TRIM23: variants seen among roughly 807,000 people sequenced by gnomAD.
The protein encoded by TRIM23 is tripartite motif containing 23.
In TRIM23, 27 loss-of-function variants were observed where a neutral mutation model predicts 71.0. The ratio of observed to expected loss-of-function variants is 0.38; its 90% confidence interval spans 0.28 to 0.52. TRIM23 has a LOEUF of 0.52. TRIM23 is among the 20% of genes least tolerant of loss of function. The pLI is 0.84. For synonymous variants in TRIM23, 234 were observed against 238.0 expected (o/e 0.98, Z 0.16); for missense variants, 482 against 692.3 (o/e 0.70, Z 3.41).
chr5:65,592,325 A>G (rs1242924582), intron 10 of TRIM23, among the ~76,000 whole-genome samples: 7 of 152,086 alleles, frequency 4.6e-5, no homozygotes. Context: ...TCCTGGTTCA[A>G]GCGATTCTCC....
chr5:65,590,365 G>T lies in TRIM23; in HGVS notation c.*1404C>A. ...TACATATTGCCCATAATACTGATAGGCTTTTTTTTTAATGCTTTGTTTTCT... is the reference window on the plus strand; with the variant it reads ...TACATATTGCCCATAATACTGATAGTCTTTTTTTTTAATGCTTTGTTTTCT... On this transcript the variant is annotated 3_prime_UTR_variant, in exon 11 of 11. Transcript: ENST00000231524. The T allele has an allele frequency of 7.0e-6, 10 of 1,421,062 alleles. No individual in the cohort carries two copies. The Admixed American group carries it at 7.9e-5, about 11-fold the overall frequency. The allele number at this position is 1,421,062 out of a possible 1,614,324, so 88.0% of individuals were successfully genotyped here. A position where few individuals can be genotyped will look rare whatever the true frequency, so the allele number is the denominator to read the frequency against.
Position 65,609,458 on chromosome 5 carries a change from C to A in TRIM23, c.829G>T (p.Val277Leu). The change falls in exon 6 of 11, where the codon GTA becomes TTA. Residue 277 changes from valine (V) to leucine (L), a missense_variant and splice_region_variant. Physicochemically the swap from Val to Leu is conservative, Grantham distance 32. Transcript: ENST00000231524. ...DGIGMAHTEH[V>L]PGTAENARSC... ...CGGGCATTCTCTGCAGTCCCTGGTACCTAAGAAAATGAAAATAAATTTTAA... is the reference window on the plus strand; with the variant it reads ...CGGGCATTCTCTGCAGTCCCTGGTAACTAAGAAAATGAAAATAAATTTTAA... The A allele has an allele frequency of 6.2e-7, 1 of 1,609,532 alleles. No individual in the cohort carries two copies. Among genetic ancestry groups the A allele is most frequent in the African/African-American group, 1.3e-5 (1 of 74,526 alleles).
Position 65,594,548 on chromosome 5 carries a change from A to G in TRIM23, c.1518T>C (p.Ala506=), listed in dbSNP as rs1384397563. 6.2e-7 allele frequency: 1 copy of G among 1,612,370 alleles called. No homozygotes were observed. Among genetic ancestry groups the G allele is most frequent in the Non-Finnish European group, 8.5e-7 (1 of 1,179,460 alleles). Residue 506 remains alanine, a synonymous_variant, in exon 10 of 11, where the codon GCT becomes GCC. Transcript: ENST00000231524. ...KLLTEKELRD[A]LLLIFANKQD... ...GTTTGTTAGCAAAAATCAGGAGCAGAGCATCTCGGAGTTCTTTTTCCGTTA... is the reference window on the plus strand; with the variant it reads ...GTTTGTTAGCAAAAATCAGGAGCAGGGCATCTCGGAGTTCTTTTTCCGTTA...
intron 7 of TRIM23, 57 bp downstream of exon 7, chr5:65,604,854 G>A (rs1429083304): frequency 2.2e-5 from 32 of 1,476,992 alleles, no homozygotes; most frequent in African/African-American, 2.8e-5. Flanking sequence ...ATCATGAAAC[G>A]TAAATCAATT....
At chr5:65,613,525 A>G (rs949052911) in intron 3 of TRIM23, among the ~76,000 whole-genome samples, 2 of 152,224 alleles carry the variant, frequency 1.3e-5, no homozygotes, top group East Asian at 1.9e-4. Flanking sequence ...ATGCAAACAC[A>G]TAAGTGCTAA....
chr5:65,600,221 G>C (rs1754324142), intron 7 of TRIM23, among the ~76,000 whole-genome samples: 1 of 152,064 alleles, frequency 6.6e-6, no homozygotes, highest in African/African-American at 2.4e-5. Flanking sequence ...TTTCAACATT[G>C]GGGATTACAA....
chr5:65,620,569 T>C (rs925875944), intron 1 of TRIM23, among the ~76,000 whole-genome samples: 1 of 111,124 alleles, frequency 9.0e-6, no homozygotes, highest in Admixed American at 8.6e-5. Context: ...TGCATAAAGG[T>C]GGGGAAAGAG....
chr5:65,617,226 C>T (rs953163439), intron 2 of TRIM23, among the ~76,000 whole-genome samples: 7 of 152,132 alleles, frequency 4.6e-5, no homozygotes, highest in Non-Finnish European at 8.8e-5. Flanking sequence ...CCTTAAAAAT[C>T]CTTTTCTTTC....
At chr5:65,623,645 G>A (rs945774982) in intron 1 of TRIM23, among the ~76,000 whole-genome samples, 1 of 152,140 alleles carries the variant, frequency 6.6e-6, no homozygotes, top group African/African-American at 2.4e-5. Context: ...CTACTAACAG[G>A]GGAGGGGGCA....
In TRIM23 at chr5:65,624,296, GAA is replaced by G. The variant is rs1755056188; in HGVS notation, c.-24_-23del. 6.2e-7 allele frequency: 1 copy of G among 1,612,956 alleles called. No individual in the cohort carries two copies. The highest frequency in any genetic ancestry group is 8.5e-7 in the Non-Finnish European group (1 of 1,179,830). ...CCATCCTCGCAGGGGAAGCGCCACA[GAA>G]ACAGCCTTCAGAGTCCTCAACTGAG... On this transcript the variant is annotated 5_prime_UTR_variant, in exon 1 of 11. Coordinates refer to ENST00000231524, the MANE Select transcript of TRIM23 (RefSeq NM_001656.4).
At position 65,596,538 on chromosome 5, in the gene TRIM23, T is replaced by G; in HGVS notation, c.1310-7A>C. 6.5e-7 allele frequency: 1 copy of G among 1,536,558 alleles called. No homozygotes were observed. Among genetic ancestry groups the G allele is most frequent in the Non-Finnish European group, 8.9e-7 (1 of 1,121,358 alleles). On this transcript the variant is annotated splice_region_variant and splice_polypyrimidine_tract_variant and intron_variant, in intron 8 of 10. Coordinates refer to ENST00000231524, the MANE Select transcript of TRIM23 (RefSeq NM_001656.4). ...ACAGTTTCCACGTTAAAACCTGTTT[T>G]AAAAAAAAAGTTACTTTTATACTAT...
intron 1 of TRIM23, among the ~76,000 whole-genome samples, chr5:65,622,064 C>G (rs1754962578): frequency 6.6e-6 from 1 of 152,068 alleles, no homozygotes; most frequent in African/African-American, 2.4e-5. Flanking sequence ...AACTCTGGGG[C>G]TCAAGCAATC....
chr5:65,591,136 T>C lies in TRIM23; in HGVS notation c.*633A>G. On this transcript the variant is annotated 3_prime_UTR_variant, in exon 11 of 11. Coordinates refer to ENST00000231524, the MANE Select transcript of TRIM23 (RefSeq NM_001656.4). ...GTAACATTTCACTCCCTCATTGTGT[T>C]TTATACAAAATGCTGTAGGAGAAAG... 1 of 1,054,486 alleles carries C rather than the reference T, an allele frequency of 9.5e-7. No individual in the cohort carries two copies. The highest frequency in any genetic ancestry group is 3.1e-5 in the South Asian group (1 of 32,648). The allele number at this position is 1,054,486 out of a possible 1,614,324, so 65.3% of individuals were successfully genotyped here.
intron 4 of TRIM23, 21 bp downstream of exon 4, chr5:65,611,581 TG>T: frequency 6.2e-7 from 1 of 1,604,060 alleles, no homozygotes; most frequent in South Asian, 1.1e-5. Context: ...GTGATCCAAC[TG>T]ATTAATAATT....
At chr5:65,614,044 A>G in intron 3 of TRIM23, 54 bp downstream of exon 3, 1 of 1,592,680 alleles carries the variant, frequency 6.3e-7, no homozygotes, top group Non-Finnish European at 8.5e-7. Context: ...AATGGCATCT[A>G]TTAAAAGAAA....
At position 65,591,580 on chromosome 5, in the gene TRIM23, AG is replaced by A; in HGVS notation, c.*188del. The A allele has an allele frequency of 7.5e-7, 1 of 1,326,382 alleles. No individual in the cohort carries two copies. The highest frequency in any genetic ancestry group is 9.8e-7 in the Non-Finnish European group (1 of 1,016,450). The allele number at this position is 1,326,382 out of a possible 1,614,324, so 82.2% of individuals were successfully genotyped here. ...TTAATTCAATCTAATCTGCTCAATT[AG>A]AAATTTAATTCTGCCACAAAATTTT... On this transcript the variant is annotated 3_prime_UTR_variant, in exon 11 of 11. Transcript: ENST00000231524.
At chr5:65,615,171 G>C (rs753040079) in intron 2 of TRIM23, among the ~76,000 whole-genome samples, 1 of 152,076 alleles carries the variant, frequency 6.6e-6, no homozygotes, top group East Asian at 1.9e-4. Context: ...CAAAGTGCTG[G>C]GATTACAGGT....
intron 2 of TRIM23, among the ~76,000 whole-genome samples, chr5:65,615,175 T>C (rs913498509): frequency 1.3e-5 from 2 of 152,190 alleles, no homozygotes; most frequent in African/African-American, 4.8e-5. Flanking sequence ...GTGCTGGGAT[T>C]ACAGGTGTGA....
Position 65,591,508 on chromosome 5 carries a change from A to G in TRIM23, c.*261T>C. The G allele has an allele frequency of 1.3e-6, 2 of 1,556,266 alleles. No individual in the cohort carries two copies. Among genetic ancestry groups the G allele is most frequent in the Non-Finnish European group, 8.8e-7 (1 of 1,142,814 alleles). On this transcript the variant is annotated 3_prime_UTR_variant, in exon 11 of 11. Coordinates refer to ENST00000231524, the MANE Select transcript of TRIM23 (RefSeq NM_001656.4). The stretch of plus-strand genomic sequence containing the variant: ...GTCACATATTATCTGAAAAACTTAA[A>G]TAACAAATATACTTTTTAAAAGAAT...
Sources: gnomAD v4.1 joint callset for allele counts (sites outside exome capture counted in the v4.1 genomes callset) on GRCh38, gnomAD v4.1.1 for gene constraint, MANE v1.5 for transcripts, NCBI Gene and HGNC (gene_info 2026-07-23, HGNC 2026-07-21) for gene names.